The following CLCN2 variants were observed in gnomAD, a reference collection of about 807,000 sequenced individuals.
The protein encoded by CLCN2 is chloride voltage-gated channel 2.
In CLCN2, 72 loss-of-function variants were observed where a neutral mutation model predicts 108.3. That is an observed-to-expected ratio of 0.66 (90% CI 0.55 to 0.81). The LOEUF (loss-of-function observed/expected upper bound fraction) is 0.81, where lower values mean the gene tolerates loss of function less well. CLCN2 is among the 30% of genes least tolerant of loss of function. The pLI is 0.00. For missense variants in CLCN2, 1,048 were observed against 1,205.2 expected (o/e 0.87, Z 1.93); for synonymous variants, 471 against 467.1 (o/e 1.01, Z -0.11).
chr3:184,352,147 A>G, intron 21 of CLCN2, 30 bp from the exon 22 acceptor site: 1 of 1,600,832 alleles, frequency 6.2e-7, no homozygotes, highest in Non-Finnish European at 8.6e-7. Flanking sequence ...AGGTTTAGGG[A>G]GAAGGTGCCT....
intron 22 of CLCN2, chr3:184,348,402 A>C (rs1254349778): frequency 2.0e-5 from 3 of 148,176 alleles, no homozygotes; most frequent in Non-Finnish European, 4.4e-5. Context: ...TGTGAGGATC[A>C]CCTGAGCCCA....
Position 184,346,348 on chromosome 3 carries a change from C to T in CLCN2, c.*258G>A. The T allele has an allele frequency of 5.3e-6, 3 of 561,434 alleles. No individual in the cohort carries two copies. The highest frequency in any genetic ancestry group is 9.6e-6 in the Non-Finnish European group (3 of 311,030). 34.8% of individuals were successfully genotyped at this position (561,434 alleles called of 1,614,324 possible). A position where few individuals can be genotyped will look rare whatever the true frequency, so the allele number is the denominator to read the frequency against. ...CACCCCTTTCCCCTCAAAGGGGGAGCAGGGGTCAAGTGACCCCAACCCATC... is the reference window on the plus strand; with the variant it reads ...CACCCCTTTCCCCTCAAAGGGGGAGTAGGGGTCAAGTGACCCCAACCCATC... On this transcript the variant is annotated 3_prime_UTR_variant, in exon 24 of 24. Coordinates refer to ENST00000265593, the MANE Select transcript of CLCN2 (RefSeq NM_004366.6). The surrounding 1 kb of genome is among the most constrained non-coding windows in gnomAD (Gnocchi z 6.0).
In CLCN2 at chr3:184,357,789, C is replaced by T. The variant is rs1344321918; in HGVS notation, c.683G>A (p.Gly228Asp). 2 of 1,613,908 alleles carry T rather than the reference C, an allele frequency of 1.2e-6. No individual in the cohort carries two copies. Among genetic ancestry groups the T allele is most frequent in the Non-Finnish European group, 1.7e-6 (2 of 1,180,032 alleles). ...CAGGGTTCCCCTTACCTCATAGATACCCCCAAAGAGGGAGAGGAACTTGCT... is the reference window on the plus strand; with the variant it reads ...CAGGGTTCCCCTTACCTCATAGATATCCCCAAAGAGGGAGAGGAACTTGCT... ...LLSKFLSLFG[G>D]IYENESRNTE... is the part of the protein sequence containing the mutation. The change falls in exon 6 of 24, where the codon GGT becomes GAT. Residue 228 changes from glycine (G) to aspartate (D), a missense_variant. Coordinates refer to ENST00000265593, the MANE Select transcript of CLCN2 (RefSeq NM_004366.6).
At chr3:184,358,476 G>T in intron 3 of CLCN2, 166 bp from the exon 4 acceptor site, 1 of 1,138,110 alleles carries the variant, frequency 8.8e-7, no homozygotes, top group Non-Finnish European at 1.3e-6. Context: ...GCGCAATCTA[G>T]GCAAGAGGAT....
chr3:184,351,243 C>A (rs1455545566), intron 22 of CLCN2, among the ~76,000 whole-genome samples: 11 of 152,084 alleles, frequency 7.2e-5, no homozygotes, highest in African/African-American at 2.7e-4. Flanking sequence ...CCCAACGCTT[C>A]AAGGCTTGTA....
At position 184,353,026 on chromosome 3, in the gene CLCN2, G is replaced by A; in HGVS notation, c.2143+7C>T. On this transcript the variant is annotated splice_region_variant and intron_variant, in intron 18 of 23. Transcript: ENST00000265593. ...AGGCTCTGTGGACACAGGAGACATGGGCTTACCTGTGGGACTCTCTCCGAG... is the reference window on the plus strand; with the variant it reads ...AGGCTCTGTGGACACAGGAGACATGAGCTTACCTGTGGGACTCTCTCCGAG... 6.2e-7 allele frequency: 1 copy of A among 1,609,326 alleles called. No individual in the cohort carries two copies. Among genetic ancestry groups the A allele is most frequent in the Non-Finnish European group, 8.5e-7 (1 of 1,175,666 alleles).
Position 184,354,198 on chromosome 3 carries a change from T to C in CLCN2, c.1624A>G (p.Asn542Asp), listed in dbSNP as rs779876583. 5.0e-6 allele frequency: 8 copies of C among 1,613,266 alleles called. No homozygotes were observed. Among genetic ancestry groups the C allele is most frequent in the South Asian group, 1.1e-5 (1 of 91,026 alleles). The stretch of plus-strand genomic sequence containing the variant: ...GGCTGCAGACTCTGGGCGACAGCGT[T>C]GGCCAGGATGACGGCGATCATGACA... ...LPVMIAVILA[N>D]AVAQSLQPSL... Residue 542 changes from asparagine to aspartate, a missense_variant, in exon 15 of 24, where the codon AAC (asparagine) becomes GAC (aspartate). Transcript: ENST00000265593.
In CLCN2 at chr3:184,361,545, C is replaced by T; in HGVS notation, c.-66G>A. ...TCTGTCCTGGACTCGGCTCCCGGCC[C>T]GCAAAGTCCGCGCCGGCAGCCGTCC... On this transcript the variant is annotated 5_prime_UTR_variant, in exon 1 of 24. Transcript: ENST00000265593. This position sits in a 1 kb window ranked among gnomAD's most constrained non-coding sequence, Gnocchi z 6.6. 7 of 1,558,698 alleles carry T rather than the reference C, an allele frequency of 4.5e-6. No individual in the cohort carries two copies. Among genetic ancestry groups the T allele is most frequent in the Non-Finnish European group, 5.2e-6 (6 of 1,144,380 alleles).
rs749192189 is a variant in CLCN2 at position 184,354,507 on chromosome 3, T to TG, written c.1507+40dup. The TG allele has an allele frequency of 1.2e-3, 1,538 of 1,325,350 alleles. 10 individuals carry two copies. In the Middle Eastern group the frequency reaches 0.027, roughly 23 times the overall value. The allele number at this position is 1,325,350 out of a possible 1,614,324, so 82.1% of individuals were successfully genotyped here. A position where few individuals can be genotyped will look rare whatever the true frequency, so the allele number is the denominator to read the frequency against. ...TCGGACCCTGTGGCTGGGGCGTGGG[T>TG]GGGGGGGTCTCCCAAGGCCGATGGG... On this transcript the variant is annotated intron_variant, in intron 14 of 23. Coordinates refer to ENST00000265593, the MANE Select transcript of CLCN2 (RefSeq NM_004366.6).
In CLCN2 at chr3:184,354,572, C is replaced by G; in HGVS notation, c.1483G>C (p.Val495Leu). The change falls in exon 14 of 24, where the codon GTG (valine) becomes CTG (leucine). Residue 495 changes from valine to leucine, a missense_variant. Transcript: ENST00000265593. ...CCGACCACAGCGTAGCCCCCAGGCA[C>G]AATCCGGTAGGTGCTGCTGTCCGTA... is the stretch of plus-strand genomic sequence containing the variant. ...IHTDSSTYRI[V>L]PGGYAVVGAA... 6.2e-7 allele frequency: 1 copy of G among 1,613,084 alleles called. No homozygotes were observed. Among genetic ancestry groups the G allele is most frequent in the Non-Finnish European group, 8.5e-7 (1 of 1,179,934 alleles).
chr3:184,361,554 C>T lies in CLCN2; in HGVS notation c.-75G>A. 6.5e-7 allele frequency: 1 copy of T among 1,541,312 alleles called. No individual in the cohort carries two copies. The highest frequency in any genetic ancestry group is 8.8e-7 in the Non-Finnish European group (1 of 1,130,622). On this transcript the variant is annotated 5_prime_UTR_variant, in exon 1 of 24. Transcript: ENST00000265593. The surrounding 1 kb of genome is among the most constrained non-coding windows in gnomAD (Gnocchi z 6.6). ...GACTCGGCTCCCGGCCCGCAAAGTC[C>T]GCGCCGGCAGCCGTCCCGTCCCCGC...
Position 184,355,049 on chromosome 3 carries a change from GTCTACCTCGC to G in CLCN2, c.1327-86_1327-77del. ...CAGCCCACAGCGCCACCCAGGAGAA[GTCTACCTCGC>G]TGATCAGGTGGGCGTAACCCTCCCA... On this transcript the variant is annotated intron_variant, in intron 12 of 23. Transcript: ENST00000265593. This position sits in a 1 kb window ranked among gnomAD's most constrained non-coding sequence, Gnocchi z 6.3. 1 of 1,387,308 alleles carries G rather than the reference GTCTACCTCGC, an allele frequency of 7.2e-7. No homozygotes were observed. Among genetic ancestry groups the G allele is most frequent in the Non-Finnish European group, 1.0e-6 (1 of 976,308 alleles). 85.9% of individuals were successfully genotyped at this position (1,387,308 alleles called of 1,614,324 possible).
At position 184,358,309 on chromosome 3, in the gene CLCN2, G is replaced by C; in HGVS notation, c.354C>G (p.Ala118=). 6.2e-7 allele frequency: 1 copy of C among 1,613,826 alleles called. No homozygotes were observed. The highest frequency in any genetic ancestry group is 8.5e-7 in the Non-Finnish European group (1 of 1,180,032). Residue 118 remains alanine (A), a splice_region_variant and synonymous_variant, in exon 4 of 24, where the codon GCC becomes GCG. Coordinates refer to ENST00000265593, the MANE Select transcript of CLCN2 (RefSeq NM_004366.6). ...MDYAIAACLQ[A]QQWMSRGLNT... is the part of the protein sequence containing the mutation. ...TCAAGCCCCGGGACATCCACTGCTG[G>C]GCTGTGGGAAGAGGACCTGCTGGAC...
Position 184,353,197 on chromosome 3 carries a change from CCAAT to C in CLCN2, c.2028+49_2029-51del, listed in dbSNP as rs138778556. Reference sequence around the variant, plus strand: ...GAGGCCACGGCCCCAGACCACCCTCCCAATCAGTCTACACAATGACATTTAGGAA... The same window carrying C: ...GAGGCCACGGCCCCAGACCACCCTCCCAGTCTACACAATGACATTTAGGAA... On this transcript the variant is annotated intron_variant, in intron 17 of 23. Coordinates refer to ENST00000265593, the MANE Select transcript of CLCN2 (RefSeq NM_004366.6). 9.2e-4 allele frequency: 1,485 copies of C among 1,612,946 alleles called. 9 individuals carry two copies. In the African/African-American group the frequency reaches 0.017, roughly 19 times the overall value.
At position 184,358,846 on chromosome 3, in the gene CLCN2, G is replaced by A. The variant is rs764368355; in HGVS notation, c.221-33C>T. On this transcript the variant is annotated intron_variant, in intron 2 of 23. Coordinates refer to ENST00000265593, the MANE Select transcript of CLCN2 (RefSeq NM_004366.6). ...CAGGGAAGGGAAGAAGGGGGAGGATGGCACCAAAGTGCTCCTACCCCTTTT... is the reference window on the plus strand; with the variant it reads ...CAGGGAAGGGAAGAAGGGGGAGGATAGCACCAAAGTGCTCCTACCCCTTTT... The A allele has an allele frequency of 2.5e-6, 4 of 1,613,804 alleles. No individual in the cohort carries two copies. The African/African-American group carries it at 5.3e-5, about 22-fold the overall frequency.
Position 184,346,878 on chromosome 3 carries a change from A to C in CLCN2, c.2502+57T>G. The C allele has an allele frequency of 6.2e-7, 1 of 1,611,136 alleles. No individual in the cohort carries two copies. The highest frequency in any genetic ancestry group is 8.5e-7 in the Non-Finnish European group (1 of 1,177,214). On this transcript the variant is annotated intron_variant, in intron 23 of 23. Transcript: ENST00000265593. The surrounding 1 kb of genome is among the most constrained non-coding windows in gnomAD (Gnocchi z 6.0). ...GCCTTCCTCCCCAGGTGAGCTGGACATAAGCCTCCATGACTTTTTGGAAGT... is the reference window on the plus strand; with the variant it reads ...GCCTTCCTCCCCAGGTGAGCTGGACCTAAGCCTCCATGACTTTTTGGAAGT...
chr3:184,357,860 CG>C lies in CLCN2; in HGVS notation c.616-5del. ...TTGCGATATGCACAAAAGGGCCCTGCGGGGTGGGGCAGGCGGTGAGTCGGGA... is the reference window on the plus strand; with the variant it reads ...TTGCGATATGCACAAAAGGGCCCTGCGGGTGGGGCAGGCGGTGAGTCGGGA... On this transcript the variant is annotated splice_region_variant and splice_polypyrimidine_tract_variant and intron_variant, in intron 5 of 23. Coordinates refer to ENST00000265593, the MANE Select transcript of CLCN2 (RefSeq NM_004366.6). The C allele has an allele frequency of 6.2e-7, 1 of 1,613,762 alleles. No homozygotes were observed. Among genetic ancestry groups the C allele is most frequent in the Non-Finnish European group, 8.5e-7 (1 of 1,180,000 alleles).
intron 14 of CLCN2, 113 bp downstream of exon 14, chr3:184,354,435 T>C (rs901869470): frequency 6.9e-6 from 9 of 1,307,964 alleles, no homozygotes; most frequent in African/African-American, 5.9e-5. Flanking sequence ...ATTGGACCTG[T>C]GCATCTGAGG....
intron 22 of CLCN2, among the ~76,000 whole-genome samples, chr3:184,350,455 G>A (rs903776699): frequency 3.3e-5 from 5 of 151,770 alleles, no homozygotes; most frequent in African/African-American, 1.2e-4. Flanking sequence ...ATTTTTTTGA[G>A]ATGGAGTTTC....
Sources: gnomAD v4.1 joint callset for allele counts (sites outside exome capture counted in the v4.1 genomes callset) on GRCh38, gnomAD v4.1.1 for gene constraint, Gnocchi (gnomAD v3.1) non-coding constraint, MANE v1.5 for transcripts, NCBI Gene and HGNC (gene_info 2026-07-23, HGNC 2026-07-21) for gene names.